Variants in ROBO2 observed in about 807,000 individuals in gnomAD.
ROBO2 encodes roundabout homolog 2.
Under a neutral mutation model 160.8 loss-of-function variants are expected in ROBO2, and 53 were observed. The observed-to-expected ratio is 0.33, with a 90% CI of 0.26 to 0.41. The LOEUF (loss-of-function observed/expected upper bound fraction) is 0.41. Among genes scored for constraint, ROBO2 ranks in the 10% least tolerant of loss-of-function variants. The probability of loss-of-function intolerance (pLI) is 1.00; values close to 1 mark genes in which losing one functional copy is unlikely to be tolerated. For missense variants in ROBO2, 1,577 were observed against 1,722.4 expected, an observed-to-expected ratio of 0.92 and a Z score of 1.49; for synonymous variants, 664 against 611.7, an observed-to-expected ratio of 1.09 and a Z score of -1.26.
At chr3:77,423,728 T>C (rs1351582507) in intron 2 of ROBO2, among the ~76,000 whole-genome samples, 2 of 152,158 alleles carry the variant, frequency 1.3e-5, no homozygotes, top group Non-Finnish European at 2.9e-5. Context: ...ATTTTACATT[T>C]AAAATAATTC....
chr3:76,357,429 A>T (rs2075242162), intron 2 of ROBO2, among the ~76,000 whole-genome samples: 1 of 151,994 alleles, frequency 6.6e-6, no homozygotes, highest in Non-Finnish European at 1.5e-5. Flanking sequence ...TAAAGAAAAG[A>T]CAACAGATTC....
rs535421196 is a variant in ROBO2 at position 76,958,581 on chromosome 3, A to G, written c.110-139433A>G. 3.9e-5 allele frequency among the ~76,000 whole-genome samples: 6 copies of G among 152,348 alleles called. No individual in the cohort carries two copies. The East Asian group carries it at 7.7e-4, about 20-fold the overall frequency. On this transcript the variant is annotated intron_variant, in intron 2 of 26. Transcript: ENST00000487694. ...CATCTCAGAGTTTTTTAAGATGGAC[A>G]TATTTTACTACAACCTTCTGAAGTT... is the stretch of plus-strand genomic sequence containing the variant.
chr3:76,141,076 TAAA>T (rs201283156), intron 2 of ROBO2, among the ~76,000 whole-genome samples: 206 of 113,880 alleles, frequency 1.8e-3, no homozygotes, highest in Non-Finnish European at 2.5e-3. Flanking sequence ...TATATATATA[TAAA>T]ATATATGTGC....
chr3:77,128,875 C>A (rs2075591111), intron 2 of ROBO2, among the ~76,000 whole-genome samples: 1 of 152,146 alleles, frequency 6.6e-6, no homozygotes, highest in Non-Finnish European at 1.5e-5. Context: ...AAAATTTAAA[C>A]TTCCATCAAA....
intron 7 of ROBO2, among the ~76,000 whole-genome samples, chr3:77,548,482 C>A (rs545085876): frequency 1.8e-4 from 28 of 152,074 alleles, no homozygotes; most frequent in Admixed American, 8.5e-4. Context: ...AAGACCATAT[C>A]AGGTGTAAAT....
At chr3:77,576,598 A>T (rs1249982754) in intron 14 of ROBO2, among the ~76,000 whole-genome samples, 1 of 152,126 alleles carries the variant, frequency 6.6e-6, no homozygotes, top group Non-Finnish European at 1.5e-5. Flanking sequence ...ATTAAATGAG[A>T]GATGTGGCAT....
At chr3:76,574,723 C>T (rs575367814) in intron 2 of ROBO2, among the ~76,000 whole-genome samples, 7 of 152,046 alleles carry the variant, frequency 4.6e-5, no homozygotes, top group East Asian at 3.9e-4. Flanking sequence ...GAAATAGAAC[C>T]GGGCTTCTCA....
At chr3:77,527,953 G>C (rs1031382056) in intron 6 of ROBO2, among the ~76,000 whole-genome samples, 2 of 151,546 alleles carry the variant, frequency 1.3e-5, no homozygotes, top group African/African-American at 4.8e-5. Context: ...TACCCTAAGT[G>C]GGGGAGGGAT....
Position 76,736,139 on chromosome 3 carries a change from C to T in ROBO2, c.110-361875C>T, listed in dbSNP as rs369645321. ...TCTACTAAAAATACAAAAAATTATC[C>T]GGGCGTGGTGGTGGCGCCTGCAGTC... On this transcript the variant is annotated intron_variant, in intron 2 of 26. Coordinates refer to the ROBO2 transcript ENST00000487694. Among the ~76,000 whole-genome samples the T allele has an allele frequency of 6.6e-3, 992 of 151,384 alleles. 7 individuals carry two copies. Among genetic ancestry groups the T allele is most frequent in the Middle Eastern group, 0.024 (7 of 292 alleles).
At chr3:76,670,889 C>T (rs1242721891) in intron 2 of ROBO2, among the ~76,000 whole-genome samples, 1 of 148,334 alleles carries the variant, frequency 6.7e-6, no homozygotes, top group Admixed American at 6.7e-5. Context: ...ATTTTGTTTG[C>T]TTAATGAACC....
chr3:76,409,667 C>T (rs2075386736), intron 2 of ROBO2, among the ~76,000 whole-genome samples: 1 of 152,072 alleles, frequency 6.6e-6, no homozygotes, highest in African/African-American at 2.4e-5. Flanking sequence ...TCAAACTAAG[C>T]TCTGTTCCTT....
At chr3:76,516,699 GTTTTCTGATCT>G (rs1203903259) in intron 2 of ROBO2, among the ~76,000 whole-genome samples, 1 of 152,064 alleles carries the variant, frequency 6.6e-6, no homozygotes, top group Non-Finnish European at 1.5e-5. Context: ...GAGAGATTCT[GTTTTCTGATCT>G]TTTAATTTTT....
rs139090681 is a variant in ROBO2 at position 77,486,653 on chromosome 3, T to C, written c.667+5434T>C. Among the ~76,000 whole-genome samples the C allele has an allele frequency of 2.2e-3, 330 of 152,282 alleles. 1 individual carries two copies. Among genetic ancestry groups the C allele is most frequent in the African/African-American group, 7.0e-3 (289 of 41,572 alleles). The stretch of plus-strand genomic sequence containing the variant: ...TAAATTTGTTTAAGTTCCTTGTACA[T>C]CTGGATATTAGACCTTTGTCAGATG... On this transcript the variant is annotated intron_variant, in intron 4 of 25. Coordinates refer to ENST00000461745, the Ensembl canonical transcript of ROBO2.
intron 2 of ROBO2, among the ~76,000 whole-genome samples, chr3:76,183,990 ATAG>A (rs1301702113): frequency 2.6e-5 from 4 of 152,214 alleles, no homozygotes; most frequent in African/African-American, 7.2e-5. Context: ...AAGCAAAATG[ATAG>A]TAGTAAAAAA....
intron 2 of ROBO2, among the ~76,000 whole-genome samples, chr3:76,793,753 C>G (rs9810166): frequency 6.6e-6 from 1 of 151,764 alleles, no homozygotes; most frequent in Admixed American, 6.6e-5. Flanking sequence ...CCACATCACT[C>G]TGCTATTTCT....
intron 2 of ROBO2, among the ~76,000 whole-genome samples, chr3:76,979,769 A>G (rs1194659335): frequency 6.6e-6 from 1 of 150,966 alleles, no homozygotes; most frequent in Admixed American, 6.6e-5. Context: ...ACACACACAC[A>G]CTTACTTTAA....
At chr3:77,227,717 G>A (rs1317407931) in intron 2 of ROBO2, among the ~76,000 whole-genome samples, 1 of 152,176 alleles carries the variant, frequency 6.6e-6, no homozygotes, top group African/African-American at 2.4e-5. Context: ...AAGTTGAGGT[G>A]GGGAATTGGG....
chr3:76,329,077 C>T (rs1192987891), intron 2 of ROBO2, among the ~76,000 whole-genome samples: 2 of 151,826 alleles, frequency 1.3e-5, no homozygotes, highest in South Asian at 4.2e-4. Context: ...CAGAGGGAGT[C>T]GGTGGACAAG....
At chr3:76,886,259 A>AAAT (rs1553679406) in intron 2 of ROBO2, among the ~76,000 whole-genome samples, 1 of 144,274 alleles carries the variant, frequency 6.9e-6, no homozygotes, top group African/African-American at 2.7e-5. Context: ...ATTCCAAAAA[A>AAAT]ATATATATAT....
Sources: allele counts gnomAD v4.1 joint callset (sites outside exome capture counted in the v4.1 genomes callset), GRCh38; gene constraint gnomAD v4.1.1; transcripts MANE v1.5; gene names NCBI Gene and HGNC (gene_info 2026-07-23, HGNC 2026-07-21).